CDH13: variants seen among roughly 807,000 people sequenced by gnomAD.
CDH13 encodes the protein cadherin-13.
A neutral mutation model predicts 63.8 loss-of-function variants in CDH13; 24 were observed. The ratio of observed to expected loss-of-function variants is 0.38; its 90% confidence interval spans 0.27 to 0.53. The LOEUF is 0.53. Ranked by LOEUF, CDH13 falls within the 20% of genes least tolerant of loss-of-function variation. CDH13 has a pLI of 0.85. For synonymous variants in CDH13, 503 were observed against 355.3 expected (o/e 1.42, Z -4.67); for missense variants, 1,049 against 903.1 (o/e 1.16, Z -2.07).
chr16:83,672,042 A>G (rs1914543457), intron 9 of CDH13, among the ~76,000 whole-genome samples: 1 of 152,210 alleles, frequency 6.6e-6, no homozygotes, highest in African/African-American at 2.4e-5. Context: ...AGCAGGGATC[A>G]ATTGTATTTA....
chr16:83,225,938 A>G (rs1241019764), intron 5 of CDH13, among the ~76,000 whole-genome samples: 4 of 152,194 alleles, frequency 2.6e-5, no homozygotes, highest in Non-Finnish European at 4.4e-5. Context: ...CTAACACAAA[A>G]TAAAAGTCAA....
At chr16:83,547,141 A>AAACTTG (rs1302362787) in intron 7 of CDH13, among the ~76,000 whole-genome samples, 2 of 152,184 alleles carry the variant, frequency 1.3e-5, no homozygotes, top group East Asian at 3.9e-4. Context: ...TGGGGGAGGC[A>AAACTTG]AACTTGAATC....
At chr16:83,048,827 A>T (rs74894165) in intron 3 of CDH13, among the ~76,000 whole-genome samples, 96 of 152,178 alleles carry the variant, frequency 6.3e-4, no homozygotes, top group African/African-American at 2.0e-3. Context: ...AACGTGGTCA[A>T]ATCTTCCCAG....
chr16:82,634,715 CTT>C (rs1355795179), intron 1 of CDH13, among the ~76,000 whole-genome samples: 3 of 152,196 alleles, frequency 2.0e-5, no homozygotes, highest in African/African-American at 7.2e-5. Flanking sequence ...TTTCCTGACT[CTT>C]TATCTAACTT....
chr16:82,894,157 G>A (rs767464532), intron 2 of CDH13, among the ~76,000 whole-genome samples: 23 of 152,220 alleles, frequency 1.5e-4, no homozygotes, highest in Non-Finnish European at 2.5e-4. Context: ...GGCCAGTTTT[G>A]TTCTCCAGGC....
chr16:83,298,822 G>C (rs1294895379), intron 5 of CDH13, among the ~76,000 whole-genome samples: 1 of 152,178 alleles, frequency 6.6e-6, no homozygotes, highest in South Asian at 2.1e-4. Context: ...AGAAAAGCTT[G>C]TGAGGATTTT....
At chr16:83,313,485 T>C (rs1057438598) in intron 5 of CDH13, among the ~76,000 whole-genome samples, 2 of 152,166 alleles carry the variant, frequency 1.3e-5, no homozygotes, top group African/African-American at 2.4e-5. Flanking sequence ...GTGCTAATAA[T>C]TGAATAAAGC....
At chr16:83,568,731 C>T (rs903298336) in intron 7 of CDH13, among the ~76,000 whole-genome samples, 3 of 152,158 alleles carry the variant, frequency 2.0e-5, no homozygotes, top group African/African-American at 7.2e-5. Flanking sequence ...AGTGTCTTTT[C>T]CAGCAGTTGT....
At chr16:83,688,755 A>G (rs1382017834) in intron 10 of CDH13, among the ~76,000 whole-genome samples, 1 of 152,178 alleles carries the variant, frequency 6.6e-6, no homozygotes, top group Non-Finnish European at 1.5e-5. Context: ...TATGGTAGCA[A>G]TACATTTTAT....
intron 6 of CDH13, among the ~76,000 whole-genome samples, chr16:83,449,271 G>C (rs987461565): frequency 6.6e-6 from 1 of 152,146 alleles, no homozygotes; most frequent in African/African-American, 2.4e-5. Context: ...GACCTGAGAT[G>C]AGAGGATGAT....
At chr16:83,686,217 T>C (rs1442488256) in intron 10 of CDH13, among the ~76,000 whole-genome samples, 3 of 152,216 alleles carry the variant, frequency 2.0e-5, no homozygotes, top group African/African-American at 7.2e-5. Context: ...GAACATGTCT[T>C]AGTGTAACTT....
At chr16:82,927,058 C>A (rs2042326210) in intron 2 of CDH13, among the ~76,000 whole-genome samples, 1 of 152,022 alleles carries the variant, frequency 6.6e-6, no homozygotes. Flanking sequence ...CTCCTTTATT[C>A]ATTCCTTAAT....
At chr16:83,500,217 C>G (rs777010967) in intron 7 of CDH13, among the ~76,000 whole-genome samples, 2 of 149,714 alleles carry the variant, frequency 1.3e-5, no homozygotes, top group Non-Finnish European at 3.0e-5. Flanking sequence ...AATTCAGACA[C>G]TAGTTTCTTT....
At chr16:83,368,884 T>TTTTTTATATA (rs1491400736) in intron 6 of CDH13, among the ~76,000 whole-genome samples, 1 of 47,682 alleles carries the variant, frequency 2.1e-5, no homozygotes, top group Non-Finnish European at 5.7e-5. Context: ...GTATTCCATG[T>TTTTTTATATA]TATATATATA....
intron 1 of CDH13, among the ~76,000 whole-genome samples, chr16:82,654,262 G>C (rs1911053435): frequency 6.6e-6 from 1 of 152,176 alleles, no homozygotes; most frequent in Non-Finnish European, 1.5e-5. Context: ...GTCTTTGGCT[G>C]ACACTTACAT....
chr16:83,296,662 C>G (rs1479943960), intron 5 of CDH13, among the ~76,000 whole-genome samples: 1 of 152,124 alleles, frequency 6.6e-6, no homozygotes, highest in African/African-American at 2.4e-5. Context: ...TCTCAGCCAT[C>G]TAGATGGGAC....
intron 2 of CDH13, among the ~76,000 whole-genome samples, chr16:82,952,911 G>A (rs1420299770): frequency 2.6e-5 from 4 of 152,214 alleles, no homozygotes; most frequent in Admixed American, 2.6e-4. Context: ...AGACAAGGCT[G>A]CCAGGTGCTC....
chr16:82,978,986 C>A (rs1015827751), intron 2 of CDH13, among the ~76,000 whole-genome samples: 4 of 152,186 alleles, frequency 2.6e-5, no homozygotes, highest in African/African-American at 7.2e-5. Context: ...GGTGGAGCTG[C>A]CCAAGATCAT....
intron 7 of CDH13, among the ~76,000 whole-genome samples, chr16:83,594,347 G>A (rs867177545): frequency 1.3e-5 from 2 of 152,202 alleles, no homozygotes; most frequent in South Asian, 4.1e-4. Flanking sequence ...ATGAGGAAAT[G>A]GAGGCAGTGA....
Sources: gnomAD v4.1 joint callset for allele counts (sites outside exome capture counted in the v4.1 genomes callset) on GRCh38, gnomAD v4.1.1 for gene constraint, MANE v1.5 for transcripts, NCBI Gene and HGNC (gene_info 2026-07-23, HGNC 2026-07-21) for gene names.